The following SCHIP1 variants were observed in gnomAD, a reference collection of about 807,000 sequenced individuals.
SCHIP1 encodes schwannomin interacting protein 1.
A neutral mutation model predicts 29.7 loss-of-function variants in SCHIP1; 8 were observed. The observed-to-expected ratio is 0.27, with a 90% CI of 0.16 to 0.49. SCHIP1 has a LOEUF of 0.49. Among genes scored for constraint, SCHIP1 ranks in the 20% least tolerant of loss-of-function variants. The pLI is 0.99. For missense variants in SCHIP1, 193 were observed against 294.6 expected, an observed-to-expected ratio of 0.66 and a Z score of 2.52; for synonymous variants, 76 against 94.9, an observed-to-expected ratio of 0.80 and a Z score of 1.16.
chr3:159,825,168 A>C, the SCHIP1 span, among the ~76,000 whole-genome samples: 1 of 152,220 alleles, frequency 6.6e-6, no homozygotes, highest in Non-Finnish European at 1.5e-5. Flanking sequence ...TTTATCACAT[A>C]AGGTGACAAA....
At chr3:159,821,897 C>T in the SCHIP1 span, among the ~76,000 whole-genome samples, 43 of 152,296 alleles carry the variant, frequency 2.8e-4, no homozygotes, top group African/African-American at 1.0e-3. Flanking sequence ...ATCTGATCAC[C>T]AAGCCAGCTA....
the SCHIP1 span, among the ~76,000 whole-genome samples, chr3:159,337,062 G>C: frequency 6.6e-6 from 1 of 152,064 alleles, no homozygotes; most frequent in Non-Finnish European, 1.5e-5. Context: ...ATCAATAAAC[G>C]TAATCCAGCA....
chr3:159,422,438 A>G, the SCHIP1 span, among the ~76,000 whole-genome samples: 1 of 152,244 alleles, frequency 6.6e-6, no homozygotes, highest in East Asian at 1.9e-4. Context: ...TAGTGAATCA[A>G]TTAATACTAC....
the SCHIP1 span, among the ~76,000 whole-genome samples, chr3:159,336,796 T>A: frequency 1.3e-5 from 2 of 152,220 alleles, 1 homozygote; most frequent in African/African-American, 4.8e-5. Flanking sequence ...AGCTTTGTTC[T>A]TTTGGCTTAG....
rs566940351 is a variant in SCHIP1 at position 159,843,001 on chromosome 3, C to CTTTTTTTTTTTTTTTTTTTTTTTTTT, written c.30+2790_30+2815dup. 3.3e-4 allele frequency among the ~76,000 whole-genome samples: 21 copies of CTTTTTTTTTTTTTTTTTTTTTTTTTT among 63,732 alleles called. 3 individuals carry two copies. Among genetic ancestry groups the CTTTTTTTTTTTTTTTTTTTTTTTTTT allele is most frequent in the South Asian group, 1.8e-3 (2 of 1,122 alleles). 41.8% of individuals were successfully genotyped at this position (63,732 alleles called of 152,430 possible). On this transcript the variant is annotated intron_variant, in intron 1 of 6. Coordinates refer to ENST00000445224, the Ensembl canonical transcript of SCHIP1. ...TCCAGTTCTATCCCAATATTTCTTTCTTTTTTTTTTTTTTTTTTTTTTTTT... is the reference window on the plus strand; with the variant it reads ...TCCAGTTCTATCCCAATATTTCTTTCTTTTTTTTTTTTTTTTTTTTTTTTTTTTTTTTTTTTTTTTTTTTTTTTTTT...
chr3:159,500,039 C>A, the SCHIP1 span, among the ~76,000 whole-genome samples: 1 of 151,768 alleles, frequency 6.6e-6, no homozygotes, highest in Non-Finnish European at 1.5e-5. Flanking sequence ...TGCCAAGACT[C>A]AAATAGTTAA....
At chr3:159,415,363 A>G in the SCHIP1 span, among the ~76,000 whole-genome samples, 3 of 152,122 alleles carry the variant, frequency 2.0e-5, no homozygotes, top group East Asian at 5.8e-4. Context: ...ACATCATATC[A>G]CGGGGGTTTG....
the SCHIP1 span, among the ~76,000 whole-genome samples, chr3:159,554,003 TGTGTGTGTGTGTGTGTTTGTG>T: frequency 2.4e-5 from 3 of 126,324 alleles, no homozygotes; most frequent in African/African-American, 1.2e-4. Context: ...TGTGTGTGTG[TGTGTGTGTGTGTGTGTTTGTG>T]TATGTGTGTG....
chr3:159,815,394 C>T, the SCHIP1 span, among the ~76,000 whole-genome samples: 22 of 152,084 alleles, frequency 1.4e-4, no homozygotes, highest in African/African-American at 5.1e-4. Flanking sequence ...TGGGGAGAAA[C>T]GTGGCTTTCC....
chr3:159,685,169 C>CA, the SCHIP1 span, among the ~76,000 whole-genome samples: 6 of 152,208 alleles, frequency 3.9e-5, no homozygotes, highest in East Asian at 5.8e-4. Flanking sequence ...CCCTGCCCCC[C>CA]AAGGAACTTA....
the SCHIP1 span, chr3:159,722,454 T>C: frequency 1.2e-4 from 18 of 152,252 alleles, no homozygotes; most frequent in Admixed American, 1.2e-3. Flanking sequence ...AAGACATTTC[T>C]TCTCGAGGCA....
chr3:159,679,687 C>G, the SCHIP1 span, among the ~76,000 whole-genome samples: 3 of 152,100 alleles, frequency 2.0e-5, no homozygotes, highest in African/African-American at 7.2e-5. Flanking sequence ...TTCCCAGGAG[C>G]ACAGGGCTCT....
the SCHIP1 span, among the ~76,000 whole-genome samples, chr3:159,444,110 T>C: frequency 2.6e-5 from 4 of 151,882 alleles, no homozygotes; most frequent in Non-Finnish European, 4.4e-5. Flanking sequence ...TGAAGCGAGA[T>C]GGGAAGAGAG....
chr3:159,477,022 A>T, the SCHIP1 span, among the ~76,000 whole-genome samples: 3 of 152,200 alleles, frequency 2.0e-5, no homozygotes, highest in Non-Finnish European at 4.4e-5. Context: ...TAGATTCCAC[A>T]TACAAGTGAG....
the SCHIP1 span, among the ~76,000 whole-genome samples, chr3:159,553,967 C>CGTGTGTGTGTGTGTGTGTGTGTGTGT: frequency 5.1e-4 from 59 of 115,794 alleles, no homozygotes; most frequent in Middle Eastern, 4.9e-3. Context: ...CGCCCAGCTA[C>CGTGTGTGTGTGTGTGTGTGTGTGTGT]GTGTGTGTGT....
At chr3:159,797,911 A>C in the SCHIP1 span, among the ~76,000 whole-genome samples, 1 of 152,356 alleles carries the variant, frequency 6.6e-6, no homozygotes, top group Middle Eastern at 3.4e-3. Context: ...AGGCAGCAGA[A>C]AATTGATTGT....
At chr3:159,401,870 T>A in the SCHIP1 span, among the ~76,000 whole-genome samples, 2 of 152,202 alleles carry the variant, frequency 1.3e-5, no homozygotes, top group Non-Finnish European at 2.9e-5. Flanking sequence ...TTTCTACATA[T>A]GTCTAGCCAG....
At chr3:159,711,586 A>C in the SCHIP1 span, among the ~76,000 whole-genome samples, 1 of 152,106 alleles carries the variant, frequency 6.6e-6, no homozygotes, top group Non-Finnish European at 1.5e-5. Context: ...GGTTACAATA[A>C]GGTGTGGTAG....
the SCHIP1 span, among the ~76,000 whole-genome samples, chr3:159,499,027 A>C: frequency 0.016 from 2,485 of 152,236 alleles, 75 homozygotes; most frequent in African/African-American, 0.057. Flanking sequence ...ATAGCTCAGC[A>C]CAGATATGCT....
Sources: gnomAD v4.1 joint callset for allele counts (sites outside exome capture counted in the v4.1 genomes callset) on GRCh38, gnomAD v4.1.1 for gene constraint, MANE v1.5 for transcripts, NCBI Gene and HGNC (gene_info 2026-07-23, HGNC 2026-07-21) for gene names.